The following CIZ1 variants were observed in gnomAD, a reference collection of about 807,000 sequenced individuals.
CIZ1 encodes CDKN1A interacting zinc finger protein 1, also known as cip1-interacting zinc finger protein.
A neutral mutation model predicts 118.6 loss-of-function variants in CIZ1; 58 were observed. The observed-to-expected ratio is 0.49, with a 90% CI of 0.40 to 0.61. The LOEUF is 0.61. Ranked by LOEUF, CIZ1 falls within the 20% of genes least tolerant of loss-of-function variation. The probability of loss-of-function intolerance (pLI) is 0.00; values close to 1 mark genes in which losing one functional copy is unlikely to be tolerated. For synonymous variants in CIZ1, 448 were observed against 443.4 expected (o/e 1.01, Z -0.13); for missense variants, 921 against 1,115.9 (o/e 0.83, Z 2.49).
At chr9:128,188,087 AAATT>A (rs1832652845) in intron 3 of CIZ1, among the ~76,000 whole-genome samples, 153 bp from the exon 4 acceptor site, 1 of 128,870 alleles carries the variant, frequency 7.8e-6, no homozygotes, top group Non-Finnish European at 1.6e-5. Context: ...ACAAAACAAA[AAATT>A]AAAAAAAGCA....
At chr9:128,199,614 A>T (rs1588285835) in intron 1 of CIZ1, among the ~76,000 whole-genome samples, 1 of 151,988 alleles carries the variant, frequency 6.6e-6, no homozygotes, top group Non-Finnish European at 1.5e-5. Context: ...CTGAGGCAGG[A>T]AGCCTACTTG....
chr9:128,202,026 T>C (rs1223181227), intron 1 of CIZ1, among the ~76,000 whole-genome samples: 1 of 152,256 alleles, frequency 6.6e-6, no homozygotes, highest in Non-Finnish European at 1.5e-5. Context: ...GCCATCGTTA[T>C]TGCCCTATTT....
chr9:128,183,010 G>A (rs1017466082), intron 5 of CIZ1, among the ~76,000 whole-genome samples: 1 of 152,028 alleles, frequency 6.6e-6, no homozygotes, highest in African/African-American at 2.4e-5. Context: ...CCTCAGGGAG[G>A]GCCAGGCCAG....
At chr9:128,190,211 T>G (rs1237257983) in intron 3 of CIZ1, 118 bp downstream of exon 3, 2 of 709,718 alleles carry the variant, frequency 2.8e-6, no homozygotes, top group Non-Finnish European at 5.0e-6. Context: ...ATGAGTGAAC[T>G]AGGATGCCAA....
At position 128,203,647 on chromosome 9, in the gene CIZ1, C is replaced by A; in HGVS notation, c.-6+539G>T. ...TCGTAGGCAGGTAGGCGCGGCGCGC[C>A]CCCAGGCGCCGACCCCCGACCCCCG... On this transcript the variant is annotated intron_variant, in intron 1 of 17. Coordinates refer to the CIZ1 transcript ENST00000372948. This position sits in a 1 kb window ranked among gnomAD's most constrained non-coding sequence, Gnocchi z 5.3. The A allele has an allele frequency of 6.6e-7, 1 of 1,507,118 alleles. No individual in the cohort carries two copies. 93.4% of individuals were successfully genotyped at this position (1,507,118 alleles called of 1,614,324 possible).
chr9:128,191,483 G>A lies in CIZ1; in HGVS notation c.-57C>T, dbSNP rs1588270571. 2 of 991,558 alleles carry A rather than the reference G, an allele frequency of 2.0e-6. No homozygotes were observed. Among genetic ancestry groups the A allele is most frequent in the African/African-American group, 1.7e-5 (1 of 57,550 alleles). 61.4% of individuals were successfully genotyped at this position (991,558 alleles called of 1,614,324 possible). On this transcript the variant is annotated 5_prime_UTR_variant, in exon 1 of 17. Transcript: ENST00000372938. This position sits in a 1 kb window ranked among gnomAD's most constrained non-coding sequence, Gnocchi z 5.5. ...TCAAGTCGCCCCCACGGATGGGCCG[G>A]CCCCGCAGCCCCCACGCCTCGGCCG...
At position 128,203,705 on chromosome 9, in the gene CIZ1, G is replaced by C; in HGVS notation, c.-6+481C>G. The C allele has an allele frequency of 7.5e-7, 1 of 1,333,650 alleles. No individual in the cohort carries two copies. The highest frequency in any genetic ancestry group is 9.6e-7 in the Non-Finnish European group (1 of 1,041,602). The allele number at this position is 1,333,650 out of a possible 1,614,324, so 82.6% of individuals were successfully genotyped here. ...TGGAGTCCCCGCCCGGGGCACTGACGGCGCGGCGACCTCGCAGCCCCCGAC... is the reference window on the plus strand; with the variant it reads ...TGGAGTCCCCGCCCGGGGCACTGACCGCGCGGCGACCTCGCAGCCCCCGAC... On this transcript the variant is annotated intron_variant, in intron 1 of 17. Transcript: ENST00000372948. The surrounding 1 kb of genome is among the most constrained non-coding windows in gnomAD (Gnocchi z 5.3).
At chr9:128,167,055 G>T (rs1220297863) in intron 15 of CIZ1, 40 bp downstream of exon 15, 1 of 1,581,758 alleles carries the variant, frequency 6.3e-7, no homozygotes, top group Non-Finnish European at 8.6e-7. Context: ...GGGCCCAAGG[G>T]CTGAAGCTCC....
At chr9:128,174,762 A>C (rs1395456362) in intron 11 of CIZ1, among the ~76,000 whole-genome samples, 1 of 150,106 alleles carries the variant, frequency 6.7e-6, no homozygotes, top group African/African-American at 2.4e-5. Flanking sequence ...AGGTTCAAGC[A>C]ATTCTCCTGC....
chr9:128,190,675 G>T lies in CIZ1; in HGVS notation c.170+13C>A. 6.4e-7 allele frequency: 1 copy of T among 1,550,612 alleles called. No homozygotes were observed. Among genetic ancestry groups the T allele is most frequent in the Non-Finnish European group, 8.7e-7 (1 of 1,149,052 alleles). On this transcript the variant is annotated intron_variant, in intron 2 of 16. Coordinates refer to ENST00000372938, the MANE Select transcript of CIZ1 (RefSeq NM_001131016.2). ...GCAAGGCTGAAGCCATCGCGCCCGA[G>T]AGGGGAACTCACCGGCTGACAGCCA...
chr9:128,170,169 G>T, intron 11 of CIZ1, 62 bp from the exon 12 acceptor site: 1 of 1,421,732 alleles, frequency 7.0e-7, no homozygotes, highest in Non-Finnish European at 9.9e-7. Flanking sequence ...CTGTCTGAGA[G>T]CGCTCCATAA....
rs778625485 is a variant in CIZ1, at chr9:128,166,895, G to T, written c.2366-15C>A. On this transcript the variant is annotated splice_polypyrimidine_tract_variant and intron_variant, in intron 15 of 16. Transcript: ENST00000372938. The surrounding 1 kb of genome is among the most constrained non-coding windows in gnomAD (Gnocchi z 4.4). ...GAAGTCCACACCTGTAGGATGGGAT[G>T]GCAGGGTCTGCACTCACATCCCTGT... 4 of 1,614,050 alleles carry T rather than the reference G, an allele frequency of 2.5e-6. No individual in the cohort carries two copies. Among genetic ancestry groups the T allele is most frequent in the Non-Finnish European group, 3.4e-6 (4 of 1,180,022 alleles).
chr9:128,166,950 G>A lies in CIZ1; in HGVS notation c.2366-70C>T. ...GCGAGGTGTCCCTCCCTCTCTAGGGGCCCATGTGCTCCCCAACCCTCTAGG... is the reference window on the plus strand; with the variant it reads ...GCGAGGTGTCCCTCCCTCTCTAGGGACCCATGTGCTCCCCAACCCTCTAGG... On this transcript the variant is annotated intron_variant, in intron 15 of 16. Transcript: ENST00000372938. The surrounding 1 kb of genome is among the most constrained non-coding windows in gnomAD (Gnocchi z 4.4). 1 of 1,612,154 alleles carries A rather than the reference G, an allele frequency of 6.2e-7. No individual in the cohort carries two copies. The highest frequency in any genetic ancestry group is 8.5e-7 in the Non-Finnish European group (1 of 1,178,746).
chr9:128,199,083 C>T (rs1407401538), intron 1 of CIZ1, among the ~76,000 whole-genome samples: 1 of 151,444 alleles, frequency 6.6e-6, no homozygotes, highest in Admixed American at 6.6e-5. Flanking sequence ...AAACTTCTTT[C>T]TCGGCTGGGC....
chr9:128,179,462 C>G lies in CIZ1; in HGVS notation c.792-47G>C, dbSNP rs11788797. The G allele has an allele frequency of 0.31, 475,506 of 1,513,352 alleles. 79,995 individuals carry two copies. The highest frequency in any genetic ancestry group is 0.39 in the Middle Eastern group (2,192 of 5,608). The allele number at this position is 1,513,352 out of a possible 1,614,324, so 93.7% of individuals were successfully genotyped here. ...TCCCAGTCATGTCTTCAAAGAGGCC[C>G]CAGGGGCTCCCAAGTAAGGCCAAAA... is the stretch of plus-strand genomic sequence containing the variant. On this transcript the variant is annotated intron_variant, in intron 7 of 16. Coordinates refer to ENST00000372938, the MANE Select transcript of CIZ1 (RefSeq NM_001131016.2).
chr9:128,194,670 T>C (rs534201905), upstream of CIZ1, among the ~76,000 whole-genome samples: 12 of 151,828 alleles, frequency 7.9e-5, no homozygotes, highest in African/African-American at 2.9e-4. Flanking sequence ...TACAAAAAAT[T>C]AGCTGGGCCT....
rs527298037 is a variant in CIZ1, at chr9:128,167,777, T to A, written c.2296-613A>T. 6 of 154,228 alleles carry A rather than the reference T, an allele frequency of 3.9e-5. No individual in the cohort carries two copies. The East Asian group carries it at 1.2e-3, about 30-fold the overall frequency. The allele number at this position is 154,228 out of a possible 1,614,324, so 9.6% of individuals were successfully genotyped here. On this transcript the variant is annotated intron_variant, in intron 14 of 16. Transcript: ENST00000372938. ...GTGTCAGCCCTAGCAGGCCTAGCAGTGCCCTCCACCACTCACCAGGCAAAC... is the reference window on the plus strand; with the variant it reads ...GTGTCAGCCCTAGCAGGCCTAGCAGAGCCCTCCACCACTCACCAGGCAAAC...
Position 128,191,192 on chromosome 9 carries a change from C to T in CIZ1, c.-6+240G>A. The T allele has an allele frequency of 2.4e-6, 1 of 412,854 alleles. No homozygotes were observed. The highest frequency in any genetic ancestry group is 4.2e-5 in the East Asian group (1 of 23,776). 25.6% of individuals were successfully genotyped at this position (412,854 alleles called of 1,614,324 possible). On this transcript the variant is annotated intron_variant, in intron 1 of 16. Transcript: ENST00000372938. This position sits in a 1 kb window ranked among gnomAD's most constrained non-coding sequence, Gnocchi z 5.5. ...CCTCAGCCTCTCTCTGCGCCCATCA[C>T]TTCCTCACTCACAGCCCCTTTTCAA...
chr9:128,168,015 G>T (rs1171274606), intron 14 of CIZ1, among the ~76,000 whole-genome samples: 1 of 152,044 alleles, frequency 6.6e-6, no homozygotes, highest in Non-Finnish European at 1.5e-5. Flanking sequence ...AGGACTGCAG[G>T]CCCCCCCACC....
Sources: allele counts gnomAD v4.1 joint callset (sites outside exome capture counted in the v4.1 genomes callset), GRCh38; gene constraint gnomAD v4.1.1; non-coding constraint Gnocchi (gnomAD v3.1); transcripts MANE v1.5; gene names NCBI Gene and HGNC (gene_info 2026-07-23, HGNC 2026-07-21).